LCK: variants seen among roughly 807,000 people sequenced by gnomAD.
LCK encodes tyrosine-protein kinase Lck.
Under a neutral mutation model 64.6 loss-of-function variants are expected in LCK, and 14 were observed. The ratio of observed to expected loss-of-function variants is 0.22; its 90% confidence interval spans 0.14 to 0.34. The LOEUF is 0.34. LCK is among the 10% of genes least tolerant of loss of function. The probability of loss-of-function intolerance (pLI) is 1.00; values close to 1 mark genes in which losing one functional copy is unlikely to be tolerated. For missense variants in LCK, 434 were observed against 668.1 expected, an observed-to-expected ratio of 0.65 and a Z score of 3.86; for synonymous variants, 277 against 263.6, an observed-to-expected ratio of 1.05 and a Z score of -0.49.
In LCK at chr1:32,274,444, G is replaced by A. The variant is rs953814551; in HGVS notation, c.105+10G>A. ...GGATGGCAAGGGCACGGTAAGAGGC[G>A]AGACAGGGGCCTTGGTGAGGGAGTT... On this transcript the variant is annotated intron_variant, in intron 2 of 12. Transcript: ENST00000336890. 2 of 1,602,040 alleles carry A rather than the reference G, an allele frequency of 1.2e-6. No homozygotes were observed. The highest frequency in any genetic ancestry group is 2.7e-5 in the African/African-American group (2 of 74,714).
chr1:32,276,816 GA>G lies in LCK; in HGVS notation c.964+31del, dbSNP rs1415497394. The G allele has an allele frequency of 3.9e-6, 6 of 1,556,494 alleles. No individual in the cohort carries two copies. The highest frequency in any genetic ancestry group is 5.2e-6 in the Non-Finnish European group (6 of 1,144,978). ...GTGCTACCCGAGTCGGCTACCAGGG[GA>G]TACTGCTCTCCCTGCTGTCCCTGCC... On this transcript the variant is annotated intron_variant, in intron 9 of 12. Transcript: ENST00000336890. The surrounding 1 kb of genome is among the most constrained non-coding windows in gnomAD (Gnocchi z 4.6).
At chr1:32,253,199 T>C (rs531907375) in intron 1 of LCK, among the ~76,000 whole-genome samples, 1 of 152,240 alleles carries the variant, frequency 6.6e-6, no homozygotes, top group East Asian at 1.9e-4. Flanking sequence ...AACCCTGTCT[T>C]CGTTAAAAAT....
chr1:32,272,325 A>C (rs553353223), intron 1 of LCK, among the ~76,000 whole-genome samples: 2 of 151,398 alleles, frequency 1.3e-5, no homozygotes, highest in Admixed American at 1.3e-4. Flanking sequence ...TCGGTGGTGC[A>C]TGCCTATAAT....
intron 1 of LCK, among the ~76,000 whole-genome samples, chr1:32,264,550 A>G (rs1306345852): frequency 6.6e-6 from 1 of 151,968 alleles, no homozygotes; most frequent in Non-Finnish European, 1.5e-5. Context: ...CCCTCAGTGT[A>G]TTATTGGGAC....
intron 1 of LCK, among the ~76,000 whole-genome samples, chr1:32,268,782 C>T (rs1639998805): frequency 7.0e-6 from 1 of 143,788 alleles, no homozygotes. Context: ...CATTGCACTC[C>T]AGCTTGGGCA....
intron 12 of LCK, among the ~76,000 whole-genome samples, chr1:32,280,484 C>A (rs1640424656): frequency 1.1e-5 from 1 of 89,182 alleles, no homozygotes; most frequent in Non-Finnish European, 2.0e-5. Flanking sequence ...GAGACGGAGT[C>A]TTGCTCTGTC....
At chr1:32,285,095 G>C (rs909470933) in intron 12 of LCK, among the ~76,000 whole-genome samples, 3 of 151,924 alleles carry the variant, frequency 2.0e-5, no homozygotes, top group Non-Finnish European at 2.9e-5. Context: ...CTGAGGTCAG[G>C]AGTTCAAGAC....
chr1:32,274,431 C>T lies in LCK; in HGVS notation c.102C>T (p.Gly34=). The T allele has an allele frequency of 6.2e-7, 1 of 1,610,540 alleles. No homozygotes were observed. The highest frequency in any genetic ancestry group is 8.5e-7 in the Non-Finnish European group (1 of 1,177,974). The part of the protein sequence containing the change: ...HYPIVPLDGK[G]TLLIRNGSEV... ...CCATAGTCCCACTGGATGGCAAGGG[C>T]ACGGTAAGAGGCGAGACAGGGGCCT... Residue 34 remains glycine, a synonymous_variant, in exon 2 of 13, where the codon GGC becomes GGT. Coordinates refer to ENST00000336890, the MANE Select transcript of LCK (RefSeq NM_005356.5).
At chr1:32,256,080 C>G (rs1639624972) in intron 1 of LCK, among the ~76,000 whole-genome samples, 2 of 152,000 alleles carry the variant, frequency 1.3e-5, no homozygotes, top group South Asian at 4.2e-4. Flanking sequence ...CTAGCCTGGG[C>G]AACATAGCAA....
Position 32,279,762 on chromosome 1 carries a change from GA to G in LCK, c.1041+16del. On this transcript the variant is annotated intron_variant, in intron 10 of 12. Coordinates refer to ENST00000336890, the MANE Select transcript of LCK (RefSeq NM_005356.5). ...TGGCAGCCCAAGTAAGGAGACTGGGGAGGGGGGCTGGGCAAGGGAACAGACC... is the reference window on the plus strand; with the variant it reads ...TGGCAGCCCAAGTAAGGAGACTGGGGGGGGGGCTGGGCAAGGGAACAGACC... The G allele has an allele frequency of 1.2e-6, 2 of 1,609,806 alleles. No individual in the cohort carries two copies. The highest frequency in any genetic ancestry group is 2.2e-5 in the South Asian group (2 of 90,960).
rs1042350754 is a variant in LCK at position 32,285,808 on chromosome 1, A to G, written c.*92A>G. 1.5e-6 allele frequency: 2 copies of G among 1,320,836 alleles called. No individual in the cohort carries two copies. The highest frequency in any genetic ancestry group is 2.1e-6 in the Non-Finnish European group (2 of 947,642). The allele number at this position is 1,320,836 out of a possible 1,614,324, so 81.8% of individuals were successfully genotyped here. On this transcript the variant is annotated 3_prime_UTR_variant, in exon 13 of 13. Transcript: ENST00000336890. ...TGTGCCATAGTCACATGGCCTATGC[A>G]CATATGGACTCTGCACATGAATCCC... is the stretch of plus-strand genomic sequence containing the variant.
In LCK at chr1:32,279,989, G is replaced by C. The variant is rs146452317; in HGVS notation, c.1190G>C (p.Arg397Thr). 6.2e-6 allele frequency: 10 copies of C among 1,614,068 alleles called. No homozygotes were observed. The highest frequency in any genetic ancestry group is 8.5e-6 in the Non-Finnish European group (10 of 1,180,042). ...ATTGAGGACAACGAGTACACAGCCA[G>C]GGAGGGTACGTGTGAGATTTAAGGG... ...RLIEDNEYTAREGAKFPIKWT... is the reference protein window; with the variant it reads ...RLIEDNEYTATEGAKFPIKWT... Residue 397 changes from arginine to threonine, a missense_variant, in exon 11 of 13, where the codon AGG becomes ACG. Around this residue, in one of 2 missense-constraint regions of LCK, gnomAD observed 201 missense variants for 376.9 expected, o/e 0.53. Transcript: ENST00000336890.
At chr1:32,281,749 C>A (rs574862503) in intron 12 of LCK, among the ~76,000 whole-genome samples, 3 of 152,102 alleles carry the variant, frequency 2.0e-5, no homozygotes, top group African/African-American at 7.2e-5. Context: ...GGTGAACAGA[C>A]CTTTGCTCCA....
At chr1:32,258,099 A>G (rs1009742804) in intron 1 of LCK, among the ~76,000 whole-genome samples, 3 of 151,990 alleles carry the variant, frequency 2.0e-5, no homozygotes, top group Non-Finnish European at 4.4e-5. Flanking sequence ...CCTGGGGAAC[A>G]TAGGCAGACC....
intron 1 of LCK, among the ~76,000 whole-genome samples, chr1:32,261,414 G>A (rs1256688008): frequency 1.3e-5 from 2 of 151,734 alleles, no homozygotes; most frequent in South Asian, 2.1e-4. Context: ...TTGGGAGGCC[G>A]AGGTGGGCGG....
chr1:32,279,531 A>G, intron 9 of LCK, 140 bp from the exon 10 acceptor site: 17 of 1,541,976 alleles, frequency 1.1e-5, no homozygotes, highest in Non-Finnish European at 1.5e-5. Flanking sequence ...CCTTACCCTG[A>G]ACACACACTC....
At position 32,272,626 on chromosome 1, in the gene LCK, AGAGAGAGAGAGAGAGAGAGAGAGC is replaced by A. The variant is rs1198748755; in HGVS notation, c.-5-1691_-5-1668del. Among the ~76,000 whole-genome samples the A allele has an allele frequency of 2.5e-3, 355 of 139,574 alleles. 1 individual carries two copies. The highest frequency in any genetic ancestry group is 0.01 in the African/African-American group (350 of 34,340). The allele number at this position is 139,574 out of a possible 152,430, so 91.6% of individuals were successfully genotyped here. ...GAGAAAGAGAGAGAGAGAGAGAAAGAGAGAGAGAGAGAGAGAGAGAGAGCGAGAGAGCGCACGCATTTCAAAGCA... is the reference window on the plus strand; with the variant it reads ...GAGAAAGAGAGAGAGAGAGAGAAAGAGAGAGAGCGCACGCATTTCAAAGCA... On this transcript the variant is annotated intron_variant, in intron 1 of 12. Coordinates refer to ENST00000336890, the MANE Select transcript of LCK (RefSeq NM_005356.5).
chr1:32,275,434 G>A lies in LCK; in HGVS notation c.377+15G>A. 6.2e-7 allele frequency: 1 copy of A among 1,612,830 alleles called. No individual in the cohort carries two copies. The highest frequency in any genetic ancestry group is 8.5e-7 in the Non-Finnish European group (1 of 1,178,996). The stretch of plus-strand genomic sequence containing the variant: ...GAGCCCGAACCGTAAGTGGGGACCC[G>A]TCGTGGGGGTGGGTAGGAGCAGATC... On this transcript the variant is annotated intron_variant, in intron 5 of 12. Transcript: ENST00000336890. The surrounding 1 kb of genome is among the most constrained non-coding windows in gnomAD (Gnocchi z 6.9).
chr1:32,270,948 C>A (rs560940086), intron 1 of LCK, among the ~76,000 whole-genome samples: 5 of 150,798 alleles, frequency 3.3e-5, no homozygotes, highest in Non-Finnish European at 5.9e-5. Context: ...GTGACCCACC[C>A]GCCTTGGCCT....
Sources: gnomAD v4.1 joint callset for allele counts (sites outside exome capture counted in the v4.1 genomes callset) on GRCh38, gnomAD v4.1.1 for gene constraint, gnomAD v4.1.1 regional missense constraint, Gnocchi (gnomAD v3.1) non-coding constraint, MANE v1.5 for transcripts, NCBI Gene and HGNC (gene_info 2026-07-23, HGNC 2026-07-21) for gene names.